The following CSMD1 variants were observed in gnomAD, a reference collection of about 807,000 sequenced individuals.
CSMD1 encodes CUB and sushi domain-containing protein 1.
Under a neutral mutation model 417.5 loss-of-function variants are expected in CSMD1, and 213 were observed. The observed-to-expected ratio is 0.51, with a 90% CI of 0.46 to 0.57. The LOEUF (loss-of-function observed/expected upper bound fraction) is 0.57. CSMD1 is among the 20% of genes least tolerant of loss of function. The probability of loss-of-function intolerance (pLI) is 0.00; values close to 1 mark genes in which losing one functional copy is unlikely to be tolerated. For missense variants in CSMD1, 6,923 were observed against 4,529.7 expected, an observed-to-expected ratio of 1.53 and a Z score of -15.17; for synonymous variants, 2,862 against 1,736.8, an observed-to-expected ratio of 1.65 and a Z score of -16.11.
At chr8:3,895,310 T>C (rs1807285858) in intron 5 of CSMD1, among the ~76,000 whole-genome samples, 1 of 152,172 alleles carries the variant, frequency 6.6e-6, no homozygotes, top group East Asian at 1.9e-4. Context: ...CTATCTATGT[T>C]TATTAACATA....
rs60925117 is a variant in CSMD1, at chr8:4,364,824, C to CAAAAAAAAA, written c.415+55120_415+55128dup. 4.7e-5 allele frequency among the ~76,000 whole-genome samples: 4 copies of CAAAAAAAAA among 84,918 alleles called. 1 individual carries two copies. Among genetic ancestry groups the CAAAAAAAAA allele is most frequent in the Non-Finnish European group, 1.1e-4 (4 of 35,210 alleles). 55.7% of individuals were successfully genotyped at this position (84,918 alleles called of 152,430 possible). Reference sequence around the variant, plus strand: ...TGCGCGACAGAGCGAGACTCCTTCTCAAAAAAAAAAAAAAAAAAAAAAAAA... The same window carrying CAAAAAAAAA: ...TGCGCGACAGAGCGAGACTCCTTCTCAAAAAAAAAAAAAAAAAAAAAAAAAAAAAAAAAA... On this transcript the variant is annotated intron_variant, in intron 3 of 69. Transcript: ENST00000635120.
chr8:4,127,271 T>A (rs1347848742), intron 3 of CSMD1, among the ~76,000 whole-genome samples: 3 of 151,894 alleles, frequency 2.0e-5, no homozygotes, highest in African/African-American at 7.3e-5. Flanking sequence ...CGCTCCAGGT[T>A]ATTCTCATGC....
rs115322070 is a variant in CSMD1 at position 2,936,108 on chromosome 8, C to G, written c.*2477G>C. The G allele has an allele frequency of 1.3e-5, 2 of 152,006 alleles. No individual in the cohort carries two copies. Among genetic ancestry groups the G allele is most frequent in the Admixed American group, 1.3e-4 (2 of 15,266 alleles). The allele number at this position is 152,006 out of a possible 1,614,324, so 9.4% of individuals were successfully genotyped here. A position where few individuals can be genotyped will look rare whatever the true frequency, so the allele number is the denominator to read the frequency against. On this transcript the variant is annotated 3_prime_UTR_variant, in exon 70 of 70. Transcript: ENST00000635120. ...GAAGAAACTAGGCAGAATTCTCACA[C>G]GAGAATTTCACTGATTTTTTTTTTC...
At chr8:4,672,386 T>A (rs1805385951) in intron 1 of CSMD1, among the ~76,000 whole-genome samples, 2 of 152,216 alleles carry the variant, frequency 1.3e-5, no homozygotes, top group Admixed American at 6.5e-5. Flanking sequence ...TAGAGCCTGT[T>A]CACATTCTCA....
At chr8:4,604,309 T>C (rs1158870448) in intron 2 of CSMD1, among the ~76,000 whole-genome samples, 1 of 151,668 alleles carries the variant, frequency 6.6e-6, no homozygotes, top group Middle Eastern at 3.4e-3. Flanking sequence ...ATAACAGGAA[T>C]ATGCATTAAA....
At chr8:4,284,247 A>G (rs552648809) in intron 3 of CSMD1, among the ~76,000 whole-genome samples, 2 of 152,204 alleles carry the variant, frequency 1.3e-5, no homozygotes, top group East Asian at 3.9e-4. Flanking sequence ...ACGTGCCTGT[A>G]ATGTTAGCTG....
In CSMD1 at chr8:4,645,580, C is replaced by G. The variant is rs1191536179; in HGVS notation, c.86-8022G>C. Among the ~76,000 whole-genome samples, 5 of 151,836 alleles carry G rather than the reference C, an allele frequency of 3.3e-5. No homozygotes were observed. In the East Asian group the frequency reaches 9.7e-4, roughly 30 times the overall value. ...TCATGGATATGAGCCCCAGTTTCCA[C>G]AGGTGCGGGATGACGAGGCTGCCCA... is the stretch of plus-strand genomic sequence containing the variant. On this transcript the variant is annotated intron_variant, in intron 1 of 69. Transcript: ENST00000635120.
intron 3 of CSMD1, among the ~76,000 whole-genome samples, chr8:4,396,611 T>G (rs1804233997): frequency 7.4e-6 from 1 of 134,912 alleles, no homozygotes; most frequent in African/African-American, 3.0e-5. Flanking sequence ...ATAAGGAAAA[T>G]GTGATACACA....
chr8:3,133,680 G>A (rs577553997), intron 41 of CSMD1, among the ~76,000 whole-genome samples: 78 of 152,246 alleles, frequency 5.1e-4, no homozygotes, highest in Non-Finnish European at 6.3e-4. Flanking sequence ...AGAGGTAGGC[G>A]AAGAGACAGG....
intron 5 of CSMD1, among the ~76,000 whole-genome samples, chr8:3,944,367 G>A (rs958495743): frequency 2.0e-5 from 3 of 152,110 alleles, no homozygotes; most frequent in Admixed American, 6.6e-5. Flanking sequence ...AAAATAAGAT[G>A]TGTTCCTCTC....
rs573402323 is a variant in CSMD1 at position 4,540,937 on chromosome 8, C to T, written c.302+96405G>A. On this transcript the variant is annotated intron_variant, in intron 2 of 69. Transcript: ENST00000635120. ...TGAGGCTGTAGACTAAACTGAACAG[C>T]TATGATTCTTGCATACAATAGGGTT... 1.8e-3 allele frequency among the ~76,000 whole-genome samples: 276 copies of T among 152,288 alleles called. 1 individual carries two copies. The highest frequency in any genetic ancestry group is 3.4e-3 in the Middle Eastern group (1 of 294).
At chr8:3,451,151 T>G (rs1032885834) in intron 12 of CSMD1, among the ~76,000 whole-genome samples, 1 of 152,216 alleles carries the variant, frequency 6.6e-6, no homozygotes, top group African/African-American at 2.4e-5. Flanking sequence ...CGCCCACTTT[T>G]TGATGGGGTT....
intron 2 of CSMD1, among the ~76,000 whole-genome samples, chr8:4,537,257 T>C (rs1296395491): frequency 6.6e-6 from 1 of 152,210 alleles, no homozygotes; most frequent in Non-Finnish European, 1.5e-5. Flanking sequence ...ACAGTAGGTA[T>C]TTTTAGAAAT....
chr8:4,183,199 A>G (rs780606553), intron 3 of CSMD1, among the ~76,000 whole-genome samples: 1 of 152,168 alleles, frequency 6.6e-6, no homozygotes, highest in Admixed American at 6.5e-5. Context: ...AGGGGAAAAA[A>G]TGGGTATACA....
intron 3 of CSMD1, among the ~76,000 whole-genome samples, chr8:4,065,217 G>T (rs541291766): frequency 2.6e-5 from 4 of 152,084 alleles, no homozygotes; most frequent in Non-Finnish European, 5.9e-5. Context: ...AAAGAAAATA[G>T]TCCTAAACAC....
intron 3 of CSMD1, among the ~76,000 whole-genome samples, chr8:4,282,351 C>A (rs1028611269): frequency 1.3e-5 from 2 of 152,124 alleles, no homozygotes; most frequent in African/African-American, 4.8e-5. Context: ...GATCTTCTGG[C>A]CACTGGACAA....
intron 5 of CSMD1, among the ~76,000 whole-genome samples, chr8:3,882,015 A>G (rs1806238163): frequency 6.6e-6 from 1 of 152,204 alleles, no homozygotes; most frequent in Non-Finnish European, 1.5e-5. Context: ...ACGATGTCTG[A>G]TGATGCAACT....
At chr8:3,126,008 T>C (rs1052390528) in intron 41 of CSMD1, among the ~76,000 whole-genome samples, 1 of 152,094 alleles carries the variant, frequency 6.6e-6, no homozygotes, top group African/African-American at 2.4e-5. Flanking sequence ...TAGAGAATCA[T>C]CAACACATGA....
intron 3 of CSMD1, among the ~76,000 whole-genome samples, chr8:4,310,386 C>G (rs970554216): frequency 3.9e-5 from 6 of 152,158 alleles, no homozygotes; most frequent in African/African-American, 1.2e-4. Flanking sequence ...TTCTCACAGC[C>G]TACATGATGC....
Sources: gnomAD v4.1 joint callset for allele counts (sites outside exome capture counted in the v4.1 genomes callset) on GRCh38, gnomAD v4.1.1 for gene constraint, MANE v1.5 for transcripts, NCBI Gene and HGNC (gene_info 2026-07-23, HGNC 2026-07-21) for gene names.